Variants in FRMD6 observed in about 807,000 individuals in gnomAD.
FRMD6 encodes the protein FERM domain-containing protein 6.
A neutral mutation model predicts 73.2 loss-of-function variants in FRMD6; 37 were observed. The observed-to-expected ratio is 0.51, with a 90% CI of 0.39 to 0.66. The LOEUF (loss-of-function observed/expected upper bound fraction) is 0.66. FRMD6 is among the 30% of genes least tolerant of loss of function. FRMD6 has a pLI of 0.00. For synonymous variants in FRMD6, 273 were observed against 282.2 expected, an observed-to-expected ratio of 0.97 and a Z score of 0.33; for missense variants, 714 against 780.5, an observed-to-expected ratio of 0.91 and a Z score of 1.02.
intron 1 of FRMD6, among the ~76,000 whole-genome samples, chr14:51,495,376 C>A (rs1883233817): frequency 6.6e-6 from 1 of 152,194 alleles, no homozygotes; most frequent in Admixed American, 6.5e-5. Flanking sequence ...ACCAGAATCA[C>A]TTTTAAGGGT....
At chr14:51,430,651 CT>C in the FRMD6 span, among the ~76,000 whole-genome samples, 1 of 152,056 alleles carries the variant, frequency 6.6e-6, no homozygotes, top group Admixed American at 6.6e-5. Flanking sequence ...CTTCTCCCCG[CT>C]TAAATCAGAA....
At chr14:51,717,962 A>C (rs995523012) in intron 10 of FRMD6, among the ~76,000 whole-genome samples, 5 of 152,226 alleles carry the variant, frequency 3.3e-5, no homozygotes, top group African/African-American at 1.2e-4. Context: ...ATTCACATTT[A>C]CTGCATTATT....
At chr14:51,398,705 C>A in the FRMD6 span, among the ~76,000 whole-genome samples, 1,191 of 152,166 alleles carry the variant, frequency 7.8e-3, 17 homozygotes, top group African/African-American at 0.027. Flanking sequence ...AAATTACACC[C>A]TGATATGCTA....
intron 1 of FRMD6, among the ~76,000 whole-genome samples, chr14:51,526,292 C>T (rs183052637): frequency 3.9e-5 from 6 of 152,280 alleles, no homozygotes; most frequent in East Asian, 3.9e-4. Context: ...CTTATCACCT[C>T]GGTGTACAGG....
intron 1 of FRMD6, among the ~76,000 whole-genome samples, chr14:51,496,277 C>G (rs1883287062): frequency 1.3e-5 from 2 of 152,240 alleles, no homozygotes; most frequent in Admixed American, 1.3e-4. Context: ...ACTGAATAGA[C>G]TGTATCAGTT....
the FRMD6 span, among the ~76,000 whole-genome samples, chr14:51,408,947 T>A: frequency 6.6e-6 from 1 of 152,220 alleles, no homozygotes; most frequent in African/African-American, 2.4e-5. Flanking sequence ...AAAGTAAAAA[T>A]TCACCTTGAG....
intron 2 of FRMD6, among the ~76,000 whole-genome samples, chr14:51,572,570 A>G (rs1474268416): frequency 6.6e-6 from 1 of 152,210 alleles, no homozygotes. Flanking sequence ...TATGTAAAAC[A>G]TTAGGATTAA....
rs560435962 is a variant in FRMD6 at position 51,690,185 on chromosome 14, C to T, written c.99+250C>T. Among the ~76,000 whole-genome samples the T allele has an allele frequency of 2.6e-5, 4 of 152,238 alleles. No individual in the cohort carries two copies. The East Asian group carries it at 7.7e-4, about 29-fold the overall frequency. On this transcript the variant is annotated intron_variant, in intron 2 of 13. Coordinates refer to ENST00000344768, the MANE Select transcript of FRMD6 (RefSeq NM_001267046.2). ...TACTATATTGAAAAACAAACATTTG[C>T]TATTTTTAAACTTTTGATCGAAATA...
rs570377979 is a variant in FRMD6 at position 51,630,619 on chromosome 14, C to T, written c.-146-59072C>T. On this transcript the variant is annotated intron_variant, in intron 2 of 14. Coordinates refer to the FRMD6 transcript ENST00000356218. ...AAAAGTAGCCAGGCATGGTGGCATGCGCCTGTAGTCCCAGCTACTTGGGAG... is the reference window on the plus strand; with the variant it reads ...AAAAGTAGCCAGGCATGGTGGCATGTGCCTGTAGTCCCAGCTACTTGGGAG... 1.6e-4 allele frequency among the ~76,000 whole-genome samples: 25 copies of T among 152,092 alleles called. No homozygotes were observed. The South Asian group carries it at 2.5e-3, about 15-fold the overall frequency.
At chr14:51,478,191 A>T in the FRMD6 span, among the ~76,000 whole-genome samples, 1 of 152,266 alleles carries the variant, frequency 6.6e-6, no homozygotes, top group Non-Finnish European at 1.5e-5. Flanking sequence ...AACTGAAATT[A>T]TTATAGGATC....
intron 1 of FRMD6, among the ~76,000 whole-genome samples, chr14:51,513,551 A>G (rs1305101533): frequency 2.6e-5 from 4 of 152,142 alleles, no homozygotes; most frequent in Non-Finnish European, 5.9e-5. Context: ...GCCTCAAGGC[A>G]AATGCTCTTA....
At chr14:51,642,375 A>G (rs2140035593) in intron 2 of FRMD6, among the ~76,000 whole-genome samples, 1 of 152,302 alleles carries the variant, frequency 6.6e-6, no homozygotes, top group East Asian at 1.9e-4. Context: ...CCCTGTCTCT[A>G]CTAATAATAG....
At chr14:51,540,701 A>G (rs11846557) in intron 1 of FRMD6, among the ~76,000 whole-genome samples, 16,092 of 125,518 alleles carry the variant, frequency 0.13, 1,134 homozygotes, top group African/African-American at 0.28. Flanking sequence ...AAATATTTAT[A>G]GTACTTAATT....
intron 2 of FRMD6, among the ~76,000 whole-genome samples, chr14:51,606,464 C>T (rs1890260850): frequency 6.6e-6 from 1 of 152,182 alleles, no homozygotes; most frequent in Non-Finnish European, 1.5e-5. Context: ...AAGGAACAAT[C>T]TCTAGTCCCC....
the FRMD6 span, among the ~76,000 whole-genome samples, chr14:51,425,615 C>A: frequency 6.6e-6 from 1 of 152,188 alleles, no homozygotes; most frequent in Non-Finnish European, 1.5e-5. Context: ...TTCCACACAG[C>A]CTCTTCTTCC....
At chr14:51,580,645 T>TA (rs1888669487) in intron 2 of FRMD6, among the ~76,000 whole-genome samples, 1 of 152,136 alleles carries the variant, frequency 6.6e-6, no homozygotes, top group Admixed American at 6.5e-5. Context: ...GGAAGCATCG[T>TA]AAAAAAGCAA....
chr14:51,469,463 C>A, the FRMD6 span, among the ~76,000 whole-genome samples: 6 of 150,304 alleles, frequency 4.0e-5, no homozygotes, highest in South Asian at 2.1e-4. Flanking sequence ...AATACAAAAA[C>A]TTAGCCGAGC....
the FRMD6 span, among the ~76,000 whole-genome samples, chr14:51,472,305 A>T: frequency 4.6e-4 from 70 of 151,726 alleles, no homozygotes; most frequent in African/African-American, 1.2e-3. Context: ...TTATTATTAT[A>T]ATAATAATTA....
At chr14:51,548,184 C>A (rs1012696354) in intron 1 of FRMD6, among the ~76,000 whole-genome samples, 5 of 152,026 alleles carry the variant, frequency 3.3e-5, no homozygotes, top group African/African-American at 1.2e-4. Context: ...ACTGTGGCAC[C>A]AAAGGACAGG....
Sources: gnomAD v4.1 joint callset for allele counts (sites outside exome capture counted in the v4.1 genomes callset) on GRCh38, gnomAD v4.1.1 for gene constraint, MANE v1.5 for transcripts, NCBI Gene and HGNC (gene_info 2026-07-23, HGNC 2026-07-21) for gene names.